The following OSBP2 variants were observed in gnomAD, a reference collection of about 807,000 sequenced individuals.
OSBP2 encodes oxysterol-binding protein 2.
In OSBP2, 66 loss-of-function variants were observed where a neutral mutation model predicts 96.0. The ratio of observed to expected loss-of-function variants is 0.69; its 90% CI spans 0.56 to 0.84. The LOEUF (loss-of-function observed/expected upper bound fraction) is 0.84. Among genes scored for constraint, OSBP2 ranks in the 40% least tolerant of loss-of-function variants. The pLI, the probability that OSBP2 is intolerant of heterozygous loss-of-function variation, is 0.00. For synonymous variants in OSBP2, 525 were observed against 520.9 expected (o/e 1.01, Z -0.11); for missense variants, 1,038 against 1,222.7 (o/e 0.85, Z 2.25).
intron 2 of OSBP2, among the ~76,000 whole-genome samples, chr22:30,770,229 A>G (rs1393665626): frequency 6.6e-6 from 1 of 151,478 alleles, no homozygotes; most frequent in Non-Finnish European, 1.5e-5. Flanking sequence ...CCTCCTGAGT[A>G]GCTGGGATTA....
intron 2 of OSBP2, among the ~76,000 whole-genome samples, chr22:30,866,916 C>T (rs2039351718): frequency 6.6e-6 from 1 of 152,212 alleles, no homozygotes; most frequent in African/African-American, 2.4e-5. Context: ...GGAGGCCAAG[C>T]CCCCTTCATT....
In OSBP2 at chr22:30,889,470, G is replaced by A. The variant is rs1304782648; in HGVS notation, c.1477-20G>A. The A allele has an allele frequency of 6.2e-7, 1 of 1,613,910 alleles. No individual in the cohort carries two copies. The highest frequency in any genetic ancestry group is 8.5e-7 in the Non-Finnish European group (1 of 1,179,926). ...CTCTGGCCTCTGCTGACGGTGAGGG[G>A]GTCCCCACTTATGTGGCAGGTACTA... On this transcript the variant is annotated intron_variant, in intron 6 of 13. Coordinates refer to ENST00000332585, the MANE Select transcript of OSBP2 (RefSeq NM_030758.4).
At chr22:30,694,869 C>G, upstream of OSBP2, 7 of 980,602 alleles carry the variant, frequency 7.1e-6, no homozygotes, top group Non-Finnish European at 9.2e-6. Context: ...CTGCCCCCCG[C>G]CCCCACTGGC....
chr22:30,814,486 G>T (rs1348360307), intron 2 of OSBP2, among the ~76,000 whole-genome samples: 1 of 150,376 alleles, frequency 6.6e-6, no homozygotes, highest in African/African-American at 2.5e-5. Context: ...AAGCTGGAGG[G>T]CAGTGGCTCA....
chr22:30,764,209 G>A, intron 2 of OSBP2: 1 of 983,742 alleles, frequency 1.0e-6, no homozygotes. Context: ...TGATATCACA[G>A]CCCAGCACTT....
intron 1 of OSBP2, among the ~76,000 whole-genome samples, chr22:30,724,729 G>T (rs1206278012): frequency 6.6e-6 from 1 of 152,214 alleles, no homozygotes; most frequent in Non-Finnish European, 1.5e-5. Flanking sequence ...AGCGGGGCAG[G>T]GACGAGACAG....
At chr22:30,826,966 CTT>C (rs1395389747) in intron 2 of OSBP2, among the ~76,000 whole-genome samples, 2 of 152,152 alleles carry the variant, frequency 1.3e-5, no homozygotes, top group Admixed American at 6.5e-5. Context: ...CAGTGGGTCT[CTT>C]AGGTGAACCT....
chr22:30,750,227 A>G (rs1002308258), intron 2 of OSBP2, among the ~76,000 whole-genome samples: 5 of 152,202 alleles, frequency 3.3e-5, no homozygotes, highest in East Asian at 1.9e-4. Flanking sequence ...CCTCTCGTCT[A>G]TGGAATGAAC....
At chr22:30,713,396 A>AT (rs1246131881) in intron 1 of OSBP2, among the ~76,000 whole-genome samples, 1 of 151,454 alleles carries the variant, frequency 6.6e-6, no homozygotes, top group African/African-American at 2.4e-5. Flanking sequence ...TATTTTTATG[A>AT]TTTTTTTCTT....
intron 2 of OSBP2, among the ~76,000 whole-genome samples, chr22:30,811,172 C>T (rs974032043): frequency 6.7e-6 from 1 of 148,460 alleles, no homozygotes; most frequent in Non-Finnish European, 1.5e-5. Flanking sequence ...CAACCCCCCC[C>T]CCACACATAC....
intron 1 of OSBP2, among the ~76,000 whole-genome samples, chr22:30,735,846 C>T (rs2089846299): frequency 6.6e-6 from 1 of 152,044 alleles, no homozygotes; most frequent in Non-Finnish European, 1.5e-5. Context: ...CCTCAGCCTC[C>T]CGAGTAGCTG....
chr22:30,701,586 G>T (rs988865614), intron 1 of OSBP2, among the ~76,000 whole-genome samples: 1 of 151,862 alleles, frequency 6.6e-6, no homozygotes, highest in Non-Finnish European at 1.5e-5. Flanking sequence ...CTTGTGATCC[G>T]CCCGCCTCGG....
chr22:30,799,234 C>G (rs964975673), intron 2 of OSBP2, among the ~76,000 whole-genome samples: 28 of 152,058 alleles, frequency 1.8e-4, no homozygotes, highest in Non-Finnish European at 3.7e-4. Flanking sequence ...CTCAGCCTCC[C>G]AAGTAGCTGG....
intron 1 of OSBP2, among the ~76,000 whole-genome samples, chr22:30,729,957 G>A (rs5753295): frequency 0.12 from 18,791 of 151,774 alleles, 1,930 homozygotes; most frequent in East Asian, 0.38. Context: ...GGGTTTTTTT[G>A]TTTTTTGGGG....
At chr22:30,770,097 ATTTT>A (rs136328) in intron 2 of OSBP2, among the ~76,000 whole-genome samples, 15 of 117,844 alleles carry the variant, frequency 1.3e-4, no homozygotes, top group African/African-American at 2.3e-4. Context: ...TTCCCCCATG[ATTTT>A]TTTTTTTTTT....
chr22:30,738,030 C>T (rs538811231), intron 1 of OSBP2, among the ~76,000 whole-genome samples: 4 of 151,832 alleles, frequency 2.6e-5, no homozygotes, highest in South Asian at 2.1e-4. Context: ...AAATCCTTAA[C>T]GTAGCCTACA....
chr22:30,830,369 G>A (rs551348015), intron 2 of OSBP2, among the ~76,000 whole-genome samples: 62 of 152,334 alleles, frequency 4.1e-4, no homozygotes, highest in Non-Finnish European at 1.5e-5. Context: ...CAGACTTGGG[G>A]AATGGAACCC....
intron 2 of OSBP2, among the ~76,000 whole-genome samples, chr22:30,763,212 C>G (rs541899540): frequency 6.6e-6 from 1 of 152,334 alleles, no homozygotes; most frequent in South Asian, 2.1e-4. Context: ...TTGATAGTCA[C>G]TTTCGCAGCT....
chr22:30,718,109 C>T (rs955953792), intron 1 of OSBP2, among the ~76,000 whole-genome samples: 19 of 152,146 alleles, frequency 1.2e-4, no homozygotes, highest in African/African-American at 4.6e-4. Context: ...TCGAGAGTCA[C>T]AGCATCCCAG....
Sources: gnomAD v4.1 joint callset for allele counts (sites outside exome capture counted in the v4.1 genomes callset) on GRCh38, gnomAD v4.1.1 for gene constraint, MANE v1.5 for transcripts, NCBI Gene and HGNC (gene_info 2026-07-23, HGNC 2026-07-21) for gene names.